The following QTMAN variants were observed in gnomAD, a reference collection of about 807,000 sequenced individuals.
The protein encoded by QTMAN is queuosine-tRNA mannosyltransferase.
the QTMAN span, among the ~76,000 whole-genome samples, chr2:144,158,137 T>A: frequency 6.6e-6 from 1 of 152,004 alleles, no homozygotes; most frequent in African/African-American, 2.4e-5. Context: ...GTAACTTTTT[T>A]ATAACAACTC....
chr2:144,108,229 A>C, the QTMAN span, among the ~76,000 whole-genome samples: 1 of 152,216 alleles, frequency 6.6e-6, no homozygotes, highest in African/African-American at 2.4e-5. Context: ...ACTCCTATTC[A>C]ACATAGTGTT....
At chr2:144,115,949 A>C in the QTMAN span, among the ~76,000 whole-genome samples, 1 of 152,172 alleles carries the variant, frequency 6.6e-6, no homozygotes, top group East Asian at 1.9e-4. Flanking sequence ...ACTCACAGGC[A>C]GGGAGATAAA....
chr2:143,976,691 C>T, the QTMAN span, among the ~76,000 whole-genome samples: 3 of 152,170 alleles, frequency 2.0e-5, no homozygotes, highest in African/African-American at 7.2e-5. Flanking sequence ...GTCTCATTAG[C>T]CACTGATTTC....
the QTMAN span, among the ~76,000 whole-genome samples, chr2:144,261,422 CT>C: frequency 6.6e-6 from 1 of 152,076 alleles, no homozygotes; most frequent in South Asian, 2.1e-4. Context: ...AATGCATGTC[CT>C]TGGTTTACAC....
At chr2:144,043,567 A>G in the QTMAN span, among the ~76,000 whole-genome samples, 1 of 151,644 alleles carries the variant, frequency 6.6e-6, no homozygotes, top group Non-Finnish European at 1.5e-5. Flanking sequence ...CGGGAGGCAG[A>G]GGTTGGAGTG....
chr2:144,219,684 T>C, the QTMAN span, among the ~76,000 whole-genome samples: 2 of 151,972 alleles, frequency 1.3e-5, no homozygotes, highest in Admixed American at 6.6e-5. Context: ...TAGCTGGGTG[T>C]GGTGGCACAT....
the QTMAN span, among the ~76,000 whole-genome samples, chr2:144,104,762 G>C: frequency 6.6e-6 from 1 of 152,206 alleles, no homozygotes; most frequent in Non-Finnish European, 1.5e-5. Context: ...GAGAGTAGTG[G>C]TTCTCCAACC....
chr2:144,283,051 G>A, the QTMAN span, among the ~76,000 whole-genome samples: 1 of 152,130 alleles, frequency 6.6e-6, no homozygotes, highest in Non-Finnish European at 1.5e-5. Flanking sequence ...CTCTTCATCT[G>A]GCTGATCTGG....
chr2:144,169,080 A>C, the QTMAN span, among the ~76,000 whole-genome samples: 2 of 152,150 alleles, frequency 1.3e-5, no homozygotes, highest in Non-Finnish European at 2.9e-5. Context: ...GTCCCTTATA[A>C]TAAAGATATA....
the QTMAN span, among the ~76,000 whole-genome samples, chr2:144,283,259 C>T: frequency 6.6e-6 from 1 of 152,094 alleles, no homozygotes; most frequent in Admixed American, 6.5e-5. Context: ...AAGCTCTTAA[C>T]CTGCAGGATC....
chr2:144,264,580 TAA>T, the QTMAN span, among the ~76,000 whole-genome samples: 1 of 152,198 alleles, frequency 6.6e-6, no homozygotes, highest in African/African-American at 2.4e-5. Context: ...ACAGAATATT[TAA>T]ACATATCTAA....
the QTMAN span, among the ~76,000 whole-genome samples, chr2:144,143,160 G>T: frequency 6.6e-6 from 1 of 151,948 alleles, no homozygotes; most frequent in South Asian, 2.1e-4. Context: ...ATGTCTGATA[G>T]GTTAGTTGTA....
At chr2:144,248,067 A>C in the QTMAN span, among the ~76,000 whole-genome samples, 2 of 152,238 alleles carry the variant, frequency 1.3e-5, no homozygotes, top group South Asian at 4.1e-4. Flanking sequence ...TGGCAAAATA[A>C]GTTTTAATTT....
the QTMAN span, among the ~76,000 whole-genome samples, chr2:144,190,765 G>C: frequency 1.3e-5 from 2 of 152,278 alleles, no homozygotes; most frequent in East Asian, 3.9e-4. Flanking sequence ...GGAAGACTTA[G>C]GAGGGTATGA....
At chr2:143,971,687 ATTTG>A in the QTMAN span, among the ~76,000 whole-genome samples, 7 of 152,104 alleles carry the variant, frequency 4.6e-5, no homozygotes, top group Non-Finnish European at 1.0e-4. Flanking sequence ...TCTTCAAAAT[ATTTG>A]TTTTTTATTT....
At chr2:143,947,192 G>T in the QTMAN span, 1 of 1,257,102 alleles carries the variant, frequency 8.0e-7, no homozygotes, top group Non-Finnish European at 1.2e-6. Context: ...ATGACTAAAA[G>T]ATGAAAGTAT....
the QTMAN span, among the ~76,000 whole-genome samples, chr2:144,106,714 A>T: frequency 6.6e-6 from 1 of 152,214 alleles, no homozygotes; most frequent in Admixed American, 6.5e-5. Context: ...GAAAGTTAAC[A>T]AGGATATCCA....
chr2:144,272,499 C>T, the QTMAN span, among the ~76,000 whole-genome samples: 2 of 152,032 alleles, frequency 1.3e-5, no homozygotes, highest in Non-Finnish European at 2.9e-5. Flanking sequence ...TAATTACATG[C>T]CAAAAAAGAC....
At chr2:144,311,994 C>T in the QTMAN span, among the ~76,000 whole-genome samples, 1 of 152,130 alleles carries the variant, frequency 6.6e-6, no homozygotes, top group Non-Finnish European at 1.5e-5. Flanking sequence ...GTGAACTGAA[C>T]TCAATGGAAT....
Sources: gnomAD v4.1 joint callset for allele counts (sites outside exome capture counted in the v4.1 genomes callset) on GRCh38, gnomAD v4.1.1 for gene constraint, MANE v1.5 for transcripts, NCBI Gene and HGNC (gene_info 2026-07-23, HGNC 2026-07-21) for gene names.